Variants in TYR observed in about 807,000 individuals in gnomAD.
TYR encodes the protein LB24-AB.
A neutral mutation model predicts 51.5 loss-of-function variants in TYR; 58 were observed. The observed-to-expected ratio is 1.13, with a 90% CI of 0.91 to 1.40. TYR has a LOEUF of 1.40. Ranked by LOEUF, TYR falls within the 40% of genes most tolerant of loss-of-function variation. The pLI is 0.00. For synonymous variants in TYR, 263 were observed against 235.2 expected (o/e 1.12, Z -1.08); for missense variants, 732 against 647.4 (o/e 1.13, Z -1.42).
intron 3 of TYR, among the ~76,000 whole-genome samples, chr11:89,261,008 G>C (rs1944450291): frequency 6.6e-6 from 1 of 152,172 alleles, no homozygotes; most frequent in East Asian, 1.9e-4. Flanking sequence ...CTGATGATCT[G>C]AGATGGAACA....
intron 1 of TYR, among the ~76,000 whole-genome samples, chr11:89,182,959 A>T (rs1943321189): frequency 6.6e-6 from 1 of 152,132 alleles, no homozygotes; most frequent in Admixed American, 6.6e-5. Flanking sequence ...ATGGAAGCAA[A>T]GAGAAGAAAA....
intron 3 of TYR, among the ~76,000 whole-genome samples, chr11:89,241,878 A>G (rs1372312064): frequency 6.7e-6 from 1 of 149,656 alleles, no homozygotes; most frequent in Admixed American, 6.7e-5. Context: ...CACTACAATT[A>G]TGTAACGTAT....
At chr11:89,203,413 G>GT (rs1347916060) in intron 2 of TYR, among the ~76,000 whole-genome samples, 1 of 152,180 alleles carries the variant, frequency 6.6e-6, no homozygotes, top group Non-Finnish European at 1.5e-5. Context: ...CTCAGAGTAG[G>GT]TATCTAAAAG....
intron 2 of TYR, among the ~76,000 whole-genome samples, chr11:89,195,715 T>C (rs1051196127): frequency 1.3e-5 from 2 of 151,810 alleles, no homozygotes; most frequent in Non-Finnish European, 2.9e-5. Context: ...AAACCTCATG[T>C]TTCTAGATAA....
intron 4 of TYR, among the ~76,000 whole-genome samples, chr11:89,287,333 C>A (rs1247125529): frequency 6.6e-6 from 1 of 151,802 alleles, no homozygotes; most frequent in Non-Finnish European, 1.5e-5. Flanking sequence ...ACTCTGGTCA[C>A]TTTTGGATAT....
chr11:89,288,035 G>C lies in TYR; in HGVS notation c.1366+3081G>C, dbSNP rs1944812191. The stretch of plus-strand genomic sequence containing the variant: ...GTATAATTCACTCATATAATAACAA[G>C]AGGAGCAAAGAAAGACATGGAGGAA... On this transcript the variant is annotated intron_variant, in intron 4 of 4. Coordinates refer to ENST00000263321, the MANE Select transcript of TYR (RefSeq NM_000372.5). Among the ~76,000 whole-genome samples, 7 of 151,898 alleles carry C rather than the reference G, an allele frequency of 4.6e-5. No individual in the cohort carries two copies. In the South Asian group the frequency reaches 1.4e-3, roughly 31 times the overall value.
intron 1 of TYR, among the ~76,000 whole-genome samples, chr11:89,189,082 TA>T (rs1455220569): frequency 6.6e-6 from 1 of 152,078 alleles, no homozygotes; most frequent in Non-Finnish European, 1.5e-5. Context: ...AACCTACTTT[TA>T]AAAATTTTTT....
chr11:89,230,591 A>T (rs1169887104), intron 3 of TYR, among the ~76,000 whole-genome samples: 1 of 152,116 alleles, frequency 6.6e-6, no homozygotes, highest in African/African-American at 2.4e-5. Context: ...TGATAGACAG[A>T]CAACTTACAC....
chr11:89,276,695 A>C (rs1172385311), intron 3 of TYR, among the ~76,000 whole-genome samples: 1 of 151,902 alleles, frequency 6.6e-6, no homozygotes, highest in Non-Finnish European at 1.5e-5. Flanking sequence ...TTGGATAAAC[A>C]GCTTACATTT....
At chr11:89,266,145 C>T (rs1944523934) in intron 3 of TYR, among the ~76,000 whole-genome samples, 1 of 151,970 alleles carries the variant, frequency 6.6e-6, no homozygotes, top group Non-Finnish European at 1.5e-5. Context: ...GAATGTTTTA[C>T]ATTATCTTCT....
At chr11:89,235,248 A>G (rs888094271) in intron 3 of TYR, among the ~76,000 whole-genome samples, 3 of 152,206 alleles carry the variant, frequency 2.0e-5, no homozygotes, top group African/African-American at 4.8e-5. Context: ...AAATTAGTCC[A>G]TGGAAAATAG....
chr11:89,278,429 C>A (rs1944682075), intron 3 of TYR, among the ~76,000 whole-genome samples: 1 of 151,506 alleles, frequency 6.6e-6, no homozygotes, highest in African/African-American at 2.4e-5. Flanking sequence ...AGAATATATT[C>A]ATTCATTTTT....
At chr11:89,239,086 C>G (rs1944158687) in intron 3 of TYR, among the ~76,000 whole-genome samples, 1 of 152,110 alleles carries the variant, frequency 6.6e-6, no homozygotes, top group Admixed American at 6.6e-5. Flanking sequence ...CAAGGTAAAG[C>G]TGGCCTTCTG....
At chr11:89,287,128 C>A (rs1039978904) in intron 4 of TYR, among the ~76,000 whole-genome samples, 1 of 151,694 alleles carries the variant, frequency 6.6e-6, no homozygotes, top group East Asian at 2.0e-4. Context: ...ATGAATCTGT[C>A]CTGGGTTTTA....
At chr11:89,245,233 TACA>T (rs1259101409) in intron 3 of TYR, among the ~76,000 whole-genome samples, 1 of 152,164 alleles carries the variant, frequency 6.6e-6, no homozygotes, top group Non-Finnish European at 1.5e-5. Context: ...AGTCAATAGT[TACA>T]ACATTACAAA....
chr11:89,255,805 C>T (rs1387537843), intron 3 of TYR, among the ~76,000 whole-genome samples: 6 of 151,496 alleles, frequency 4.0e-5, no homozygotes, highest in African/African-American at 1.5e-4. Context: ...TTTTTATAAC[C>T]AGCCTAATTA....
At chr11:89,249,692 TG>T (rs1944309153) in intron 3 of TYR, among the ~76,000 whole-genome samples, 1 of 151,874 alleles carries the variant, frequency 6.6e-6, no homozygotes, top group Non-Finnish European at 1.5e-5. Context: ...CATTTTTAAG[TG>T]GGAAGCAGGA....
At chr11:89,179,035 A>G (rs940704359) in intron 1 of TYR, among the ~76,000 whole-genome samples, 3 of 152,212 alleles carry the variant, frequency 2.0e-5, no homozygotes, top group African/African-American at 7.2e-5. Context: ...TGCATTTCCC[A>G]GAACATAGTA....
intron 3 of TYR, among the ~76,000 whole-genome samples, chr11:89,257,420 G>T (rs1294715575): frequency 6.6e-6 from 1 of 151,840 alleles, no homozygotes; most frequent in Non-Finnish European, 1.5e-5. Flanking sequence ...AGCCATTTCT[G>T]ATTAATTATT....
Sources: allele counts gnomAD v4.1 joint callset (sites outside exome capture counted in the v4.1 genomes callset), GRCh38; gene constraint gnomAD v4.1.1; transcripts MANE v1.5; gene names NCBI Gene and HGNC (gene_info 2026-07-23, HGNC 2026-07-21).